The following DISP1 variants were observed in gnomAD, a reference collection of about 807,000 sequenced individuals.
DISP1 encodes dispatched RND transporter family member 1, also known as protein dispatched homolog 1.
In DISP1, 30 loss-of-function variants were observed where a neutral mutation model predicts 37.3. The observed-to-expected ratio is 0.80, with a 90% CI of 0.60 to 1.09. The LOEUF is 1.09. Ranked by LOEUF, DISP1 falls within the 50% of genes least tolerant of loss-of-function variation. The pLI is 0.00. For synonymous variants in DISP1, 634 were observed against 690.2 expected (o/e 0.92, Z 1.28); for missense variants, 1,598 against 1,879.5 (o/e 0.85, Z 2.77).
At chr1:222,830,443 C>T (rs562542049) in intron 1 of DISP1, among the ~76,000 whole-genome samples, 6 of 151,916 alleles carry the variant, frequency 3.9e-5, no homozygotes, top group Non-Finnish European at 7.4e-5. Flanking sequence ...TGCCGTGGCC[C>T]GATCTCGGCT....
intron 3 of DISP1, among the ~76,000 whole-genome samples, chr1:222,958,194 A>C (rs1202554454): frequency 2.0e-5 from 3 of 151,892 alleles, no homozygotes; most frequent in Admixed American, 2.0e-4. Flanking sequence ...CACACAGCAC[A>C]TTTCTGTCAT....
chr1:222,913,262 A>G (rs997609172), intron 1 of DISP1, among the ~76,000 whole-genome samples: 1 of 152,196 alleles, frequency 6.6e-6, no homozygotes, highest in Non-Finnish European at 1.5e-5. Flanking sequence ...AAATTATTTT[A>G]TAGGATATTA....
chr1:222,907,272 C>G (rs1035642745), intron 1 of DISP1, among the ~76,000 whole-genome samples: 2 of 152,034 alleles, frequency 1.3e-5, no homozygotes, highest in East Asian at 3.9e-4. Flanking sequence ...GTATGAGAGC[C>G]CTAGGTCGTG....
At chr1:222,917,284 C>G (rs533091925) in intron 1 of DISP1, among the ~76,000 whole-genome samples, 1 of 152,280 alleles carries the variant, frequency 6.6e-6, no homozygotes, top group South Asian at 2.1e-4. Context: ...CTGTGGCAAA[C>G]TGCGGCAAGT....
intron 1 of DISP1, among the ~76,000 whole-genome samples, chr1:222,917,558 TTTCTC>T (rs1672564873): frequency 6.6e-6 from 1 of 152,222 alleles, no homozygotes; most frequent in South Asian, 2.1e-4. Context: ...GGCTATTTCT[TTTCTC>T]TTTTCTGTTT....
At chr1:222,868,342 CAT>C (rs67838919) in intron 1 of DISP1, among the ~76,000 whole-genome samples, 17,282 of 151,802 alleles carry the variant, frequency 0.11, 1,349 homozygotes, top group Non-Finnish European at 0.16. Context: ...CAAAACTCTA[CAT>C]ATATATATGT....
chr1:222,943,119 A>C lies in DISP1; in HGVS notation c.296A>C (p.Glu99Ala). The C allele has an allele frequency of 6.2e-7, 1 of 1,613,932 alleles. No homozygotes were observed. The highest frequency in any genetic ancestry group is 8.5e-7 in the Non-Finnish European group (1 of 1,179,806). ...TTGACTAGCCATAGCAGTCACCAAG[A>C]GTGCCATCCCGAGGCTGGCCCTGCA... The part of the protein sequence containing the change: ...HPLTSHSSHQ[E>A]CHPEAGPAAP... The change falls in exon 3 of 9, where the codon GAG becomes GCG. Residue 99 changes from glutamate (E) to alanine (A), a missense_variant. Physicochemically the swap from Glu to Ala is moderately radical, Grantham distance 107 (BLOSUM62 -1). Coordinates refer to ENST00000675850, the MANE Select transcript of DISP1 (RefSeq NM_001377229.1).
At chr1:222,873,205 A>G (rs1047418088) in intron 1 of DISP1, among the ~76,000 whole-genome samples, 102 of 152,232 alleles carry the variant, frequency 6.7e-4, no homozygotes, top group Middle Eastern at 3.4e-3. Context: ...TATGTGGTCA[A>G]TTTTGGAATA....
chr1:222,826,377 C>CTTT lies in DISP1; in HGVS notation c.-159+11318_-159+11320dup, dbSNP rs376799233. On this transcript the variant is annotated intron_variant, in intron 1 of 8. Transcript: ENST00000675850. ...TTGTAGTCTCCTTTACACTTTAATA[C>CTTT]TTTTTTTTTTTTTTTTTTTTTGAGA... is the stretch of plus-strand genomic sequence containing the variant. Among the ~76,000 whole-genome samples the CTTT allele has an allele frequency of 1.7e-3, 190 of 110,356 alleles. 1 individual carries two copies. Among genetic ancestry groups the CTTT allele is most frequent in the Non-Finnish European group, 2.3e-3 (130 of 56,396 alleles). 72.4% of individuals were successfully genotyped at this position (110,356 alleles called of 152,430 possible).
At chr1:222,815,941 T>A (rs1342005726) in intron 1 of DISP1, among the ~76,000 whole-genome samples, 1 of 152,170 alleles carries the variant, frequency 6.6e-6, no homozygotes, top group Non-Finnish European at 1.5e-5. Flanking sequence ...TTCTAACACA[T>A]TTTTTCTAAA....
At chr1:222,980,941 G>A (rs1428190910) in intron 3 of DISP1, among the ~76,000 whole-genome samples, 1 of 152,200 alleles carries the variant, frequency 6.6e-6, no homozygotes, top group African/African-American at 2.4e-5. Context: ...AGCTGGGCTT[G>A]GTGGCATGCG....
chr1:222,917,658 G>T (rs913469924), intron 1 of DISP1, among the ~76,000 whole-genome samples: 1 of 152,172 alleles, frequency 6.6e-6, no homozygotes, highest in African/African-American at 2.4e-5. Context: ...ATCAAGGGTG[G>T]TGAACAGAAG....
At chr1:222,965,873 A>G (rs1676440242) in intron 3 of DISP1, among the ~76,000 whole-genome samples, 1 of 152,156 alleles carries the variant, frequency 6.6e-6, no homozygotes, top group Non-Finnish European at 1.5e-5. Context: ...CGTCTCTTAA[A>G]AAAAAATTAC....
chr1:222,895,288 G>A (rs1671187368), intron 1 of DISP1, among the ~76,000 whole-genome samples: 1 of 152,170 alleles, frequency 6.6e-6, no homozygotes, highest in South Asian at 2.1e-4. Flanking sequence ...AGGCTCATTA[G>A]GAACCTTTTG....
At chr1:222,930,844 A>G (rs17536522) in intron 2 of DISP1, among the ~76,000 whole-genome samples, 17,218 of 152,096 alleles carry the variant, frequency 0.11, 1,320 homozygotes, top group Non-Finnish European at 0.16. Context: ...AAGTCTTTAT[A>G]AGTTTGATGT....
chr1:222,952,371 T>TA (rs1304458410), intron 3 of DISP1, among the ~76,000 whole-genome samples: 1 of 152,216 alleles, frequency 6.6e-6, no homozygotes, highest in African/African-American at 2.4e-5. Flanking sequence ...TTGGCTCTGT[T>TA]AAAACAACTG....
At chr1:222,883,823 T>C (rs916378553) in intron 1 of DISP1, among the ~76,000 whole-genome samples, 4 of 152,190 alleles carry the variant, frequency 2.6e-5, no homozygotes, top group African/African-American at 9.7e-5. Context: ...CAAGGAAAAC[T>C]GACAGTATAC....
intron 1 of DISP1, among the ~76,000 whole-genome samples, chr1:222,911,343 C>T (rs1245112742): frequency 1.3e-5 from 2 of 152,116 alleles, no homozygotes; most frequent in Non-Finnish European, 2.9e-5. Context: ...GTCTAGAGAA[C>T]AAAGGGTATC....
At chr1:222,906,626 G>T (rs1450344846) in intron 1 of DISP1, among the ~76,000 whole-genome samples, 1 of 152,178 alleles carries the variant, frequency 6.6e-6, no homozygotes, top group Admixed American at 6.5e-5. Context: ...TCCCACCAGC[G>T]CCATGACAGT....
Sources: allele counts gnomAD v4.1 joint callset (sites outside exome capture counted in the v4.1 genomes callset), GRCh38; gene constraint gnomAD v4.1.1; transcripts MANE v1.5; gene names NCBI Gene and HGNC (gene_info 2026-07-23, HGNC 2026-07-21).